The following ZNF831 variants were observed in gnomAD, a reference collection of about 807,000 sequenced individuals.
ZNF831 encodes chromosome 20 open reading frame 174.
Under a neutral mutation model 95.8 loss-of-function variants are expected in ZNF831, and 59 were observed. The observed-to-expected ratio is 0.62, with a 90% CI of 0.50 to 0.77. The LOEUF is 0.77. Ranked by LOEUF, ZNF831 falls within the 30% of genes least tolerant of loss-of-function variation. ZNF831 has a pLI of 0.00. For synonymous variants in ZNF831, 961 were observed against 925.5 expected, an observed-to-expected ratio of 1.04 and a Z score of -0.70; for missense variants, 2,205 against 2,164.0, an observed-to-expected ratio of 1.02 and a Z score of -0.38.
chr20:59,188,868 A>G (rs1045561397), intron 1 of ZNF831, among the ~76,000 whole-genome samples: 1 of 152,092 alleles, frequency 6.6e-6, no homozygotes, highest in African/African-American at 2.4e-5. Flanking sequence ...TGCTGCATGT[A>G]CTTTTGGTGT....
intron 3 of ZNF831, 24 bp downstream of exon 3, chr20:59,196,029 C>A: frequency 6.2e-7 from 1 of 1,609,742 alleles, no homozygotes; most frequent in South Asian, 1.1e-5. Context: ...CCACCTCTGT[C>A]ATTTCCACAA....
intron 1 of ZNF831, among the ~76,000 whole-genome samples, chr20:59,127,472 C>T (rs2081227277): frequency 6.6e-6 from 1 of 152,204 alleles, no homozygotes; most frequent in South Asian, 2.1e-4. Context: ...CCTGCACCTT[C>T]CTGTTCCCAG....
Position 59,254,828 on chromosome 20 carries a change from CTCTA to C in ZNF831, c.*89_*92del. 1 of 1,509,460 alleles carries C rather than the reference CTCTA, an allele frequency of 6.6e-7. No individual in the cohort carries two copies. The highest frequency in any genetic ancestry group is 8.9e-7 in the Non-Finnish European group (1 of 1,128,512). The allele number at this position is 1,509,460 out of a possible 1,614,324, so 93.5% of individuals were successfully genotyped here. A position where few individuals can be genotyped will look rare whatever the true frequency, so the allele number is the denominator to read the frequency against. ...TTGTCAGGCTGGCGGAAGAACTAAA[CTCTA>C]TCTGTGAAACACCTACAGATTAGGA... On this transcript the variant is annotated 3_prime_UTR_variant, in exon 6 of 6. Coordinates refer to ENST00000371030, the MANE Select transcript of ZNF831 (RefSeq NM_178457.3). This position sits in a 1 kb window ranked among gnomAD's most constrained non-coding sequence, Gnocchi z 4.5.
chr20:59,174,998 G>A (rs183780172), intron 1 of ZNF831, among the ~76,000 whole-genome samples: 64 of 152,182 alleles, frequency 4.2e-4, no homozygotes, highest in Admixed American at 2.7e-3. Context: ...TATTTTCACC[G>A]GATATAAAAT....
intron 4 of ZNF831, among the ~76,000 whole-genome samples, chr20:59,250,557 C>G (rs2146750042): frequency 6.6e-6 from 1 of 152,164 alleles, no homozygotes; most frequent in East Asian, 1.9e-4. Flanking sequence ...GGAAAGCCAC[C>G]AACCTAAAGA....
At chr20:59,196,544 T>C (rs1477279443) in intron 3 of ZNF831, among the ~76,000 whole-genome samples, 1 of 152,192 alleles carries the variant, frequency 6.6e-6, no homozygotes, top group African/African-American at 2.4e-5. Context: ...TTTCTTGGAT[T>C]GTCTTTCTCC....
chr20:59,238,914 G>A (rs1178696577), intron 4 of ZNF831, among the ~76,000 whole-genome samples: 2 of 152,210 alleles, frequency 1.3e-5, no homozygotes, highest in African/African-American at 4.8e-5. Flanking sequence ...CGCAGGGCCG[G>A]AAGAGGTTCA....
In ZNF831 at chr20:59,153,242, G is replaced by A. The variant is rs935499827; in HGVS notation, c.-1280-6410G>A. On this transcript the variant is annotated intron_variant, in intron 2 of 7. Transcript: ENST00000637017. ...GCACACGTGCATTGGCCCCCAGCCCGCATGCTCTGTGTTCTTCCCAACAGA... is the reference window on the plus strand; with the variant it reads ...GCACACGTGCATTGGCCCCCAGCCCACATGCTCTGTGTTCTTCCCAACAGA... 4.6e-5 allele frequency among the ~76,000 whole-genome samples: 7 copies of A among 152,288 alleles called. No homozygotes were observed. In the East Asian group the frequency reaches 7.7e-4, roughly 17 times the overall value.
intron 1 of ZNF831, among the ~76,000 whole-genome samples, chr20:59,181,269 T>C (rs1568743160): frequency 6.6e-6 from 1 of 152,262 alleles, no homozygotes; most frequent in African/African-American, 2.4e-5. Context: ...ATTCTAGATA[T>C]TAGACCTTTG....
chr20:59,241,408 G>A (rs933645449), intron 4 of ZNF831, among the ~76,000 whole-genome samples: 8 of 151,622 alleles, frequency 5.3e-5, no homozygotes, highest in Non-Finnish European at 8.8e-5. Flanking sequence ...TGCAGTTCCC[G>A]AAGTACTCTC....
At chr20:59,200,485 T>C (rs922431091) in intron 3 of ZNF831, among the ~76,000 whole-genome samples, 2 of 152,218 alleles carry the variant, frequency 1.3e-5, no homozygotes, top group African/African-American at 4.8e-5. Context: ...TATAATTAAA[T>C]TTTAATAAAT....
At chr20:59,226,202 A>G (rs1187453804) in intron 4 of ZNF831, among the ~76,000 whole-genome samples, 1 of 152,106 alleles carries the variant, frequency 6.6e-6, no homozygotes, top group Non-Finnish European at 1.5e-5. Flanking sequence ...TCTAAAGGAG[A>G]ACTGAGGTGG....
intron 1 of ZNF831, among the ~76,000 whole-genome samples, chr20:59,176,634 T>C (rs1053678382): frequency 1.3e-5 from 2 of 152,216 alleles, no homozygotes; most frequent in Non-Finnish European, 2.9e-5. Flanking sequence ...TTCGCTTTAG[T>C]GCGTACATTA....
At chr20:59,167,906 G>A (rs560452270) in intron 1 of ZNF831, among the ~76,000 whole-genome samples, 2 of 151,094 alleles carry the variant, frequency 1.3e-5, no homozygotes, top group South Asian at 2.1e-4. Context: ...GTATATTTGT[G>A]CAGATTGATT....
intron 1 of ZNF831, among the ~76,000 whole-genome samples, chr20:59,183,051 G>A (rs1230686941): frequency 6.6e-6 from 1 of 152,210 alleles, no homozygotes; most frequent in Admixed American, 6.5e-5. Flanking sequence ...GACTGAGAGG[G>A]GTTTCAATGT....
chr20:59,202,324 C>CT (rs546706863), intron 3 of ZNF831, among the ~76,000 whole-genome samples: 8,925 of 117,326 alleles, frequency 0.076, 407 homozygotes, highest in Non-Finnish European at 0.11. Context: ...TATTTTCAAC[C>CT]TTTTTTTTTT....
intron 2 of ZNF831, among the ~76,000 whole-genome samples, chr20:59,155,054 G>A (rs1280979992): frequency 2.0e-5 from 3 of 152,222 alleles, no homozygotes; most frequent in African/African-American, 7.2e-5. Context: ...AACTTGGGAT[G>A]TGCTGGGGAG....
chr20:59,124,733 G>A (rs757285735), intron 1 of ZNF831, among the ~76,000 whole-genome samples: 33 of 152,334 alleles, frequency 2.2e-4, no homozygotes, highest in African/African-American at 7.0e-4. Context: ...GATCTCTCTC[G>A]TGTAAGGGGC....
Position 59,191,772 on chromosome 20 carries a change from C to T in ZNF831, c.753C>T (p.His251=), listed in dbSNP as rs756567344. The stretch of plus-strand genomic sequence containing the variant: ...AGAGACCCCTTTCTCCGGGTGCCCA[C>T]GTGCCCCTACTTGCCAAGAACCTGG... ...ASERPLSPGA[H]VPLLAKNLDV... The change falls in exon 2 of 6, where the codon CAC becomes CAT. Residue 251 remains histidine, a synonymous_variant. Coordinates refer to ENST00000371030, the MANE Select transcript of ZNF831 (RefSeq NM_178457.3). 9.3e-6 allele frequency: 15 copies of T among 1,611,066 alleles called. No homozygotes were observed. The African/African-American group carries it at 1.5e-4, about 16-fold the overall frequency.
Sources: gnomAD v4.1 joint callset for allele counts (sites outside exome capture counted in the v4.1 genomes callset) on GRCh38, gnomAD v4.1.1 for gene constraint, Gnocchi (gnomAD v3.1) non-coding constraint, MANE v1.5 for transcripts, NCBI Gene and HGNC (gene_info 2026-07-23, HGNC 2026-07-21) for gene names.